The following ELAVL4 variants were observed in gnomAD, a reference collection of about 807,000 sequenced individuals.
ELAVL4 encodes the protein ELAV-like protein 4.
Under a neutral mutation model 35.6 loss-of-function variants are expected in ELAVL4, and 1 was observed. That is an observed-to-expected ratio of 0.03 (90% CI 0.01 to 0.13). The LOEUF is 0.13. ELAVL4 is among the 10% of genes least tolerant of loss of function. ELAVL4 has a pLI of 1.00. For missense variants in ELAVL4, 267 were observed against 464.9 expected (o/e 0.57, Z 3.91); for synonymous variants, 156 against 171.0 (o/e 0.91, Z 0.69).
Position 50,181,024 on chromosome 1 carries a change from G to A in ELAVL4, c.354+3832G>A, listed in dbSNP as rs112809341. ...AATTCTTAAAATAGCCCTGTCAGGA[G>A]GTACTATTACCTCCTTTATACAGGT... On this transcript the variant is annotated intron_variant, in intron 3 of 6. Transcript: ENST00000371824. 3.8e-4 allele frequency: 58 copies of A among 152,264 alleles called. 1 individual carries two copies. The highest frequency in any genetic ancestry group is 1.4e-3 in the African/African-American group (57 of 41,550). The allele number at this position is 152,264 out of a possible 1,614,324, so 9.4% of individuals were successfully genotyped here.
chr1:50,151,492 A>G (rs766560275), intron 2 of ELAVL4, among the ~76,000 whole-genome samples: 23 of 152,190 alleles, frequency 1.5e-4, no homozygotes, highest in Non-Finnish European at 3.1e-4. Flanking sequence ...CAGGCACTGT[A>G]TTGAAATGGA....
intron 3 of ELAVL4, among the ~76,000 whole-genome samples, chr1:50,191,295 G>A (rs972442064): frequency 1.3e-5 from 2 of 152,042 alleles, no homozygotes; most frequent in Non-Finnish European, 2.9e-5. Context: ...TCTAGTCCTA[G>A]AACAATCTTC....
chr1:50,072,372 G>A (rs762175987), intron 1 of ELAVL4, among the ~76,000 whole-genome samples: 11 of 152,144 alleles, frequency 7.2e-5, no homozygotes, highest in Non-Finnish European at 1.6e-4. Flanking sequence ...GATGCCTTTT[G>A]TACCTCTCTA....
exon 1 of ELAVL4, chr1:50,048,090 C>A: frequency 1.4e-6 from 2 of 1,435,546 alleles, no homozygotes; most frequent in Non-Finnish European, 1.8e-6. Context: ...TGAGACTCTG[C>A]GGACGTCTTC....
At chr1:50,136,957 C>T (rs1671983131) in intron 1 of ELAVL4, among the ~76,000 whole-genome samples, 1 of 152,104 alleles carries the variant, frequency 6.6e-6, no homozygotes, top group Non-Finnish European at 1.5e-5. Flanking sequence ...AAAGTTGTAA[C>T]CTTTGATTTG....
At chr1:50,086,476 T>TTATATATATATATATATATA (rs35215248) in intron 1 of ELAVL4, among the ~76,000 whole-genome samples, 12 of 144,374 alleles carry the variant, frequency 8.3e-5, no homozygotes, top group African/African-American at 3.0e-4. Flanking sequence ...CATTCAGCTT[T>TTATATATATATATATATATA]TATATATATA....
chr1:50,085,638 G>A (rs1330974019), intron 1 of ELAVL4, among the ~76,000 whole-genome samples: 2 of 152,204 alleles, frequency 1.3e-5, no homozygotes, highest in Non-Finnish European at 2.9e-5. Flanking sequence ...AAGCATATTT[G>A]CGTTGTCATT....
At chr1:50,066,680 G>A (rs1031082046) in intron 1 of ELAVL4, among the ~76,000 whole-genome samples, 11 of 152,074 alleles carry the variant, frequency 7.2e-5, no homozygotes, top group Non-Finnish European at 1.0e-4. Flanking sequence ...GACTCTTTAA[G>A]TCCTGTCTGT....
At chr1:50,091,827 C>T (rs1306999303) in intron 1 of ELAVL4, among the ~76,000 whole-genome samples, 1 of 152,178 alleles carries the variant, frequency 6.6e-6, no homozygotes, top group Non-Finnish European at 1.5e-5. Context: ...GTAGGGATGT[C>T]ATGTTTTATC....
chr1:50,048,673 C>T (rs913172541), intron 1 of ELAVL4, among the ~76,000 whole-genome samples: 1 of 152,202 alleles, frequency 6.6e-6, no homozygotes. Flanking sequence ...GGGGGCCCCT[C>T]TGTGTGACTT....
At chr1:50,069,829 T>A (rs1447405867) in intron 1 of ELAVL4, among the ~76,000 whole-genome samples, 2 of 152,216 alleles carry the variant, frequency 1.3e-5, no homozygotes, top group African/African-American at 4.8e-5. Context: ...CTGGGTACTA[T>A]ATTTCCTTTG....
intron 1 of ELAVL4, among the ~76,000 whole-genome samples, chr1:50,064,015 T>C (rs1468120936): frequency 6.6e-6 from 1 of 152,118 alleles, no homozygotes; most frequent in African/African-American, 2.4e-5. Context: ...TTGAGTATGG[T>C]ACATAGAACA....
At chr1:50,174,784 A>G (rs896461076) in intron 2 of ELAVL4, 13 of 152,174 alleles carry the variant, frequency 8.5e-5, no homozygotes, top group African/African-American at 2.9e-4. Context: ...TATGCCCATT[A>G]TATTTATTTT....
chr1:50,069,288 C>G (rs1207075698), intron 1 of ELAVL4, among the ~76,000 whole-genome samples: 1 of 152,112 alleles, frequency 6.6e-6, no homozygotes, highest in South Asian at 2.1e-4. Flanking sequence ...ACCTCTCTGG[C>G]CTCTATTATT....
chr1:50,160,570 C>T (rs1304177580), intron 2 of ELAVL4, among the ~76,000 whole-genome samples: 7 of 152,156 alleles, frequency 4.6e-5, no homozygotes, highest in African/African-American at 1.7e-4. Context: ...GTGTCCATTT[C>T]TGCATTTCAC....
chr1:50,136,470 C>T (rs936953326), intron 1 of ELAVL4, among the ~76,000 whole-genome samples: 15 of 152,098 alleles, frequency 9.9e-5, no homozygotes, highest in Admixed American at 6.6e-4. Context: ...AGTGACTGCC[C>T]TTGGTAAACA....
At chr1:50,132,643 C>T (rs982237887) in intron 1 of ELAVL4, among the ~76,000 whole-genome samples, 6 of 152,116 alleles carry the variant, frequency 3.9e-5, no homozygotes, top group Non-Finnish European at 8.8e-5. Context: ...TTCATTTGGG[C>T]TCCCATGAGT....
At chr1:50,196,601 T>A (rs1445413935) in intron 5 of ELAVL4, among the ~76,000 whole-genome samples, 1 of 152,222 alleles carries the variant, frequency 6.6e-6, no homozygotes, top group Non-Finnish European at 1.5e-5. Flanking sequence ...TCCTTCTATC[T>A]AGGATAGTAT....
intron 1 of ELAVL4, among the ~76,000 whole-genome samples, chr1:50,066,374 T>C (rs1664267268): frequency 6.6e-6 from 1 of 152,170 alleles, no homozygotes; most frequent in African/African-American, 2.4e-5. Flanking sequence ...GAATAGTAAG[T>C]TTTCCTACTA....
Sources: allele counts gnomAD v4.1 joint callset (sites outside exome capture counted in the v4.1 genomes callset), GRCh38; gene constraint gnomAD v4.1.1; transcripts MANE v1.5; gene names NCBI Gene and HGNC (gene_info 2026-07-23, HGNC 2026-07-21).